Variants in SOX5 observed in about 807,000 individuals in gnomAD.
The protein encoded by SOX5 is transcription factor SOX-5.
SOX5 carries 9 observed loss-of-function variants against 92.0 expected under a neutral mutation model. The observed-to-expected ratio is 0.10, with a 90% confidence interval of 0.06 to 0.17. The LOEUF (loss-of-function observed/expected upper bound fraction) is 0.17. Among genes scored for constraint, SOX5 ranks in the 10% least tolerant of loss-of-function variants. SOX5 has a pLI of 1.00. For synonymous variants in SOX5, 344 were observed against 336.3 expected, an observed-to-expected ratio of 1.02 and a Z score of -0.25; for missense variants, 642 against 944.5, an observed-to-expected ratio of 0.68 and a Z score of 4.20.
chr12:24,439,983 A>G (rs1400810723), intron 1 of SOX5, among the ~76,000 whole-genome samples: 1 of 152,192 alleles, frequency 6.6e-6, no homozygotes, highest in African/African-American at 2.4e-5. Context: ...TGCATATACT[A>G]CCTGCTCAAT....
chr12:24,517,793 C>T (rs761522083), intron 1 of SOX5, among the ~76,000 whole-genome samples: 19 of 150,684 alleles, frequency 1.3e-4, no homozygotes, highest in South Asian at 2.1e-4. Flanking sequence ...CTCAGCAAAA[C>T]ATTAAAAGCT....
intron 4 of SOX5, among the ~76,000 whole-genome samples, chr12:23,750,906 C>A (rs568414394): frequency 6.6e-6 from 1 of 151,766 alleles, no homozygotes; most frequent in African/African-American, 2.4e-5. Flanking sequence ...ATGAGGACAC[C>A]GGCGTCATGA....
chr12:24,400,256 G>A (rs1961194081), intron 1 of SOX5, among the ~76,000 whole-genome samples: 1 of 152,168 alleles, frequency 6.6e-6, no homozygotes, highest in Non-Finnish European at 1.5e-5. Context: ...TAACTAAAAT[G>A]CTAATTAGTT....
intron 4 of SOX5, among the ~76,000 whole-genome samples, chr12:23,978,329 C>A: frequency 6.6e-6 from 1 of 152,034 alleles, no homozygotes; most frequent in Middle Eastern, 3.2e-3. Context: ...TAAAAGTAAA[C>A]CAATAAAACA....
At chr12:24,442,075 G>C (rs1429130992) in intron 1 of SOX5, among the ~76,000 whole-genome samples, 1 of 152,154 alleles carries the variant, frequency 6.6e-6, no homozygotes, top group Non-Finnish European at 1.5e-5. Flanking sequence ...ATAAGTAAAT[G>C]AGAAACAGTT....
intron 1 of SOX5, among the ~76,000 whole-genome samples, chr12:24,405,561 C>A (rs1962748730): frequency 1.3e-5 from 2 of 152,144 alleles, no homozygotes; most frequent in African/African-American, 4.8e-5. Flanking sequence ...CAGATGTAAA[C>A]CCCTTTGAGT....
At chr12:24,090,729 GT>G (rs1456550625) in intron 4 of SOX5, among the ~76,000 whole-genome samples, 2 of 152,140 alleles carry the variant, frequency 1.3e-5, no homozygotes, top group African/African-American at 2.4e-5. Context: ...CTGTGCTATA[GT>G]ACTTTCAGGG....
chr12:24,038,240 G>C (rs939989009), intron 4 of SOX5, among the ~76,000 whole-genome samples: 5 of 152,154 alleles, frequency 3.3e-5, no homozygotes, highest in African/African-American at 1.2e-4. Context: ...TGTATCTTGG[G>C]TTCCCAGGAA....
intron 1 of SOX5, among the ~76,000 whole-genome samples, chr12:24,385,963 G>A (rs1254002066): frequency 7.2e-6 from 1 of 139,332 alleles, no homozygotes; most frequent in Non-Finnish European, 1.6e-5. Flanking sequence ...AGATTTATGT[G>A]GCATTTTAAA....
At chr12:23,618,248 G>A (rs184682378) in intron 8 of SOX5, among the ~76,000 whole-genome samples, 96 of 152,224 alleles carry the variant, frequency 6.3e-4, no homozygotes, top group African/African-American at 2.1e-3. Flanking sequence ...AGAAATGCTT[G>A]TTCATCAGGA....
intron 1 of SOX5, among the ~76,000 whole-genome samples, chr12:24,375,121 C>T (rs1246591090): frequency 1.3e-5 from 2 of 151,920 alleles, no homozygotes; most frequent in African/African-American, 2.4e-5. Context: ...TACAGGCGCC[C>T]GCCACTACGC....
intron 3 of SOX5, among the ~76,000 whole-genome samples, chr12:23,777,524 T>C (rs553801209): frequency 2.6e-5 from 4 of 152,186 alleles, no homozygotes; most frequent in African/African-American, 9.6e-5. Flanking sequence ...CAGAGAGCAA[T>C]GACCATAACG....
intron 1 of SOX5, among the ~76,000 whole-genome samples, chr12:24,526,522 T>A (rs182951459): frequency 5.9e-4 from 90 of 152,330 alleles, no homozygotes; most frequent in African/African-American, 2.1e-3. Context: ...AGAAGTTCTC[T>A]TTCTTGTTCC....
Position 23,670,519 on chromosome 12 carries a change from G to T in SOX5, c.811-4955C>A, listed in dbSNP as rs186536660. On this transcript the variant is annotated intron_variant, in intron 6 of 14. Transcript: ENST00000451604. ...AAAGAGAGAAACTAACCAAAATTCC[G>T]GAGGAGGCTAGAAGACAAGGCAGAG... Among the ~76,000 whole-genome samples, 191 of 152,236 alleles carry T rather than the reference G, an allele frequency of 1.3e-3. 2 individuals carry two copies. In the South Asian group the frequency reaches 0.014, roughly 11 times the overall value.
chr12:23,973,032 T>A (rs1423732431), intron 4 of SOX5, among the ~76,000 whole-genome samples: 1 of 152,182 alleles, frequency 6.6e-6, no homozygotes, highest in Non-Finnish European at 1.5e-5. Context: ...TGAGATTGAC[T>A]TTTTTAGATT....
intron 8 of SOX5, among the ~76,000 whole-genome samples, chr12:23,626,126 CGG>C (rs1047515846): frequency 3.3e-5 from 5 of 151,528 alleles, no homozygotes; most frequent in Admixed American, 1.3e-4. Flanking sequence ...GACAGAGAAA[CGG>C]AGAGAGATAG....
At chr12:23,901,702 G>A (rs1291315415) in intron 1 of SOX5, among the ~76,000 whole-genome samples, 1 of 152,134 alleles carries the variant, frequency 6.6e-6, no homozygotes, top group Non-Finnish European at 1.5e-5. Flanking sequence ...CTCCCACTAT[G>A]AGATCCACAT....
chr12:24,114,573 C>CCAAAA (rs1947762260), intron 4 of SOX5, among the ~76,000 whole-genome samples: 1 of 40,592 alleles, frequency 2.5e-5, no homozygotes, highest in Non-Finnish European at 4.2e-5. Context: ...CACCCCGTCA[C>CCAAAA]AAAAAAAAAA....
At chr12:24,369,998 C>T (rs1369741755) in intron 1 of SOX5, among the ~76,000 whole-genome samples, 1 of 152,144 alleles carries the variant, frequency 6.6e-6, no homozygotes, top group Non-Finnish European at 1.5e-5. Flanking sequence ...ACAGTAAAAG[C>T]CATTCCTTCC....
Sources: allele counts gnomAD v4.1 joint callset (sites outside exome capture counted in the v4.1 genomes callset), GRCh38; gene constraint gnomAD v4.1.1; transcripts MANE v1.5; gene names NCBI Gene and HGNC (gene_info 2026-07-23, HGNC 2026-07-21).